The following CHIC2 variants were observed in gnomAD, a reference collection of about 807,000 sequenced individuals.
CHIC2 encodes the protein cysteine rich hydrophobic domain 2, also known as cysteine-rich hydrophobic domain-containing protein 2.
CHIC2 carries 14 observed loss-of-function variants against 25.9 expected under a neutral mutation model. That is an observed-to-expected ratio of 0.54 (90% CI 0.36 to 0.85). The LOEUF (loss-of-function observed/expected upper bound fraction) is 0.85. CHIC2 is among the 40% of genes least tolerant of loss of function. The pLI is 0.01. For missense variants in CHIC2, 146 were observed against 202.0 expected (o/e 0.72, Z 1.68); for synonymous variants, 70 against 72.0 (o/e 0.97, Z 0.14).
the CHIC2 span, among the ~76,000 whole-genome samples, chr4:54,080,942 G>GTGTATA: frequency 1.5e-4 from 15 of 101,124 alleles, no homozygotes; most frequent in East Asian, 1.7e-3. Flanking sequence ...ATGTGTGTGT[G>GTGTATA]TATATATATA....
intron 4 of CHIC2, 82 bp from the exon 5 acceptor site, chr4:54,013,978 A>G (rs1715667169): frequency 1.3e-6 from 2 of 1,597,030 alleles, no homozygotes; most frequent in Non-Finnish European, 1.7e-6. Context: ...TCCACCTTTC[A>G]TATTTTTAGT....
chr4:54,022,787 G>A lies in CHIC2; in HGVS notation c.331-8668C>T, dbSNP rs147291453. On this transcript the variant is annotated intron_variant, in intron 3 of 5. Coordinates refer to ENST00000263921, the MANE Select transcript of CHIC2 (RefSeq NM_012110.4). ...CCTAATCACCCTTACCCCGCTCAAT[G>A]CCAATATCCCATCCCACAGCACGAT... Among the ~76,000 whole-genome samples the A allele has an allele frequency of 2.7e-3, 418 of 152,076 alleles. 1 individual carries two copies. Among genetic ancestry groups the A allele is most frequent in the Non-Finnish European group, 5.2e-3 (355 of 67,994 alleles).
chr4:54,091,560 G>A, the CHIC2 span, among the ~76,000 whole-genome samples: 1 of 152,158 alleles, frequency 6.6e-6, no homozygotes, highest in African/African-American at 2.4e-5. Context: ...TCCGCGCACA[G>A]GGATCAAAGA....
At chr4:54,027,788 G>A (rs1008216910) in intron 3 of CHIC2, among the ~76,000 whole-genome samples, 5 of 152,106 alleles carry the variant, frequency 3.3e-5, no homozygotes, top group Admixed American at 2.6e-4. Flanking sequence ...AAATACACAA[G>A]TTTCAAGAAA....
At chr4:54,053,019 A>T (rs1447621942) in intron 1 of CHIC2, among the ~76,000 whole-genome samples, 1 of 152,270 alleles carries the variant, frequency 6.6e-6, no homozygotes, top group East Asian at 1.9e-4. Context: ...AACCATTAAA[A>T]ATGAAATTTG....
chr4:54,019,787 G>C (rs866014314), intron 3 of CHIC2, among the ~76,000 whole-genome samples: 3 of 152,040 alleles, frequency 2.0e-5, no homozygotes, highest in South Asian at 2.1e-4. Flanking sequence ...GGTCTCAAAG[G>C]GTTCTTTTGG....
chr4:54,084,484 G>C, the CHIC2 span, among the ~76,000 whole-genome samples: 1 of 125,896 alleles, frequency 7.9e-6, no homozygotes, highest in South Asian at 2.5e-4. Flanking sequence ...TCTGATCTCA[G>C]AAAAATTACA....
At chr4:54,015,856 G>A (rs940218107) in intron 3 of CHIC2, among the ~76,000 whole-genome samples, 4 of 152,136 alleles carry the variant, frequency 2.6e-5, no homozygotes, top group African/African-American at 7.2e-5. Flanking sequence ...CTCTCAAACC[G>A]CCTCTCAGGT....
chr4:54,051,782 T>C (rs768361171), intron 1 of CHIC2, among the ~76,000 whole-genome samples: 2 of 152,176 alleles, frequency 1.3e-5, no homozygotes, highest in Non-Finnish European at 2.9e-5. Context: ...TGAATTAGTC[T>C]ATCCACCTGA....
rs1187573149 is a variant in CHIC2 at position 54,049,240 on chromosome 4, G to A, written c.174+11C>T. The A allele has an allele frequency of 6.3e-7, 1 of 1,598,896 alleles. No homozygotes were observed. The highest frequency in any genetic ancestry group is 1.3e-5 in the African/African-American group (1 of 74,458). ...TGAGGCATACAAATAGTACATAAAT[G>A]AGACACTCACTTTTCCAGTTAATGA... is the stretch of plus-strand genomic sequence containing the variant. On this transcript the variant is annotated intron_variant, in intron 2 of 5. Transcript: ENST00000263921.
chr4:54,087,290 A>G, the CHIC2 span: 4 of 571,600 alleles, frequency 7.0e-6, no homozygotes, highest in Non-Finnish European at 1.2e-5. Context: ...AGTTAAAGTG[A>G]AGATGCCTGA....
intron 1 of CHIC2, among the ~76,000 whole-genome samples, chr4:54,056,732 T>C (rs910789037): frequency 4.6e-5 from 7 of 152,282 alleles, no homozygotes; most frequent in African/African-American, 1.7e-4. Flanking sequence ...AACAAAAAAA[T>C]TATTCTTCAG....
chr4:54,012,718 G>T (rs1017940580), intron 5 of CHIC2, among the ~76,000 whole-genome samples: 2 of 152,042 alleles, frequency 1.3e-5, no homozygotes, highest in African/African-American at 4.8e-5. Flanking sequence ...TTATAAAGAA[G>T]TATCAAGTGT....
the CHIC2 span, among the ~76,000 whole-genome samples, chr4:54,079,789 C>A: frequency 1.3e-5 from 2 of 149,928 alleles, no homozygotes; most frequent in Admixed American, 6.6e-5. Context: ...TAAAAAAAAA[C>A]AAATTAAAAA....
chr4:54,063,949 A>G (rs1717413855), intron 1 of CHIC2, among the ~76,000 whole-genome samples: 1 of 152,242 alleles, frequency 6.6e-6, no homozygotes, highest in Non-Finnish European at 1.5e-5. Flanking sequence ...GGATCGTCAC[A>G]TCGCCCGGGC....
At chr4:54,061,493 G>A (rs897348420) in intron 1 of CHIC2, among the ~76,000 whole-genome samples, 1 of 151,998 alleles carries the variant, frequency 6.6e-6, no homozygotes, top group African/African-American at 2.4e-5. Flanking sequence ...AATTGGTAAG[G>A]GAAGACTGCT....
the CHIC2 span, among the ~76,000 whole-genome samples, chr4:54,091,434 C>T: frequency 6.6e-6 from 1 of 152,276 alleles, no homozygotes; most frequent in South Asian, 2.1e-4. Flanking sequence ...CACTCTCATT[C>T]ACACCGCACT....
chr4:54,078,944 C>T, the CHIC2 span, among the ~76,000 whole-genome samples: 4 of 151,332 alleles, frequency 2.6e-5, no homozygotes, highest in African/African-American at 7.3e-5. Flanking sequence ...GAGCCGGGTG[C>T]GGTGGCTCAT....
chr4:54,019,104 G>C (rs1196387229), intron 3 of CHIC2, among the ~76,000 whole-genome samples: 3 of 151,902 alleles, frequency 2.0e-5, no homozygotes, highest in Admixed American at 6.5e-5. Flanking sequence ...TTTAACATAA[G>C]AGAACTTAAG....
Sources: allele counts gnomAD v4.1 joint callset (sites outside exome capture counted in the v4.1 genomes callset), GRCh38; gene constraint gnomAD v4.1.1; transcripts MANE v1.5; gene names NCBI Gene and HGNC (gene_info 2026-07-23, HGNC 2026-07-21).